The following SLC36A1 variants were observed in gnomAD, a reference collection of about 807,000 sequenced individuals.
The protein encoded by SLC36A1 is proton-coupled amino acid transporter 1.
Under a neutral mutation model 47.5 loss-of-function variants are expected in SLC36A1, and 30 were observed. The observed-to-expected ratio is 0.63, with a 90% CI of 0.47 to 0.86. The LOEUF is 0.86. SLC36A1 is among the 40% of genes least tolerant of loss of function. The pLI is 0.00. For synonymous variants in SLC36A1, 255 were observed against 249.7 expected, an observed-to-expected ratio of 1.02 and a Z score of -0.20; for missense variants, 517 against 606.0, an observed-to-expected ratio of 0.85 and a Z score of 1.54.
intron 5 of SLC36A1, among the ~76,000 whole-genome samples, chr5:151,466,078 T>C (rs1756327354): frequency 6.6e-6 from 1 of 152,212 alleles, no homozygotes; most frequent in African/African-American, 2.4e-5. Flanking sequence ...TTTGGCCAAA[T>C]TATTTTCTGT....
At chr5:151,458,328 A>ACATACACTTG (rs1476786861) in intron 1 of SLC36A1, among the ~76,000 whole-genome samples, 90 of 101,810 alleles carry the variant, frequency 8.8e-4, no homozygotes, top group African/African-American at 2.6e-3. Flanking sequence ...ATATATATAT[A>ACATACACTTG]TATATGGGAT....
the SLC36A1 span, among the ~76,000 whole-genome samples, chr5:151,499,687 CAT>C: frequency 3.3e-5 from 5 of 152,294 alleles, no homozygotes; most frequent in Middle Eastern, 3.4e-3. Context: ...GCCTGGAAAA[CAT>C]ATGTGTCCTT....
chr5:151,488,216 G>A lies in SLC36A1; in HGVS notation c.1393G>A (p.Ala465Thr). The part of the protein sequence containing the change: ...ALYELIQPSN[A>T]PIFINSTCAF... The stretch of plus-strand genomic sequence containing the variant: ...CTATGAGCTGATCCAGCCAAGCAAT[G>A]CTCCCATCTTCATCAATTCCACCTG... The change falls in exon 11 of 11, where the codon GCT becomes ACT. Residue 465 changes from alanine to threonine, a missense_variant. Physicochemically the swap from Ala to Thr is moderately conservative, Grantham distance 58. Transcript: ENST00000243389. 6.2e-7 allele frequency: 1 copy of A among 1,614,144 alleles called. No individual in the cohort carries two copies. Among genetic ancestry groups the A allele is most frequent in the Non-Finnish European group, 8.5e-7 (1 of 1,180,024 alleles).
chr5:151,380,604 T>C, the SLC36A1 span: 6 of 550,190 alleles, frequency 1.1e-5, no homozygotes, highest in South Asian at 8.3e-5. Context: ...CCCTGTCCAC[T>C]GAAGAACTTC....
At chr5:151,539,702 A>C in the SLC36A1 span, among the ~76,000 whole-genome samples, 1 of 152,226 alleles carries the variant, frequency 6.6e-6, no homozygotes, top group Non-Finnish European at 1.5e-5. Context: ...GTTAAAAACT[A>C]CTTACTGTGT....
chr5:151,540,956 C>A, the SLC36A1 span, among the ~76,000 whole-genome samples: 1 of 152,198 alleles, frequency 6.6e-6, no homozygotes, highest in Admixed American at 6.5e-5. Flanking sequence ...ACTTCAAATG[C>A]CTCCTGTTGA....
At chr5:151,449,596 C>A (rs577207688) in intron 1 of SLC36A1, among the ~76,000 whole-genome samples, 1 of 152,060 alleles carries the variant, frequency 6.6e-6, no homozygotes, top group Admixed American at 6.5e-5. Flanking sequence ...GTTCCAAAGG[C>A]GGTGTAAGAA....
At chr5:151,360,478 T>C in the SLC36A1 span, among the ~76,000 whole-genome samples, 3,551 of 152,034 alleles carry the variant, frequency 0.023, 128 homozygotes, top group African/African-American at 0.076. Flanking sequence ...TTGAGTAGGC[T>C]GAGGAGGAGG....
the SLC36A1 span, chr5:151,553,465 A>G: frequency 7.8e-7 from 1 of 1,279,548 alleles, no homozygotes; most frequent in Non-Finnish European, 1.1e-6. Flanking sequence ...CAGGAACCAG[A>G]GCGTCCTGTG....
chr5:151,480,892 G>C (rs1758700685), intron 10 of SLC36A1, among the ~76,000 whole-genome samples: 1 of 152,196 alleles, frequency 6.6e-6, no homozygotes, highest in South Asian at 2.1e-4. Flanking sequence ...TATCCAAAGT[G>C]CTCCCTCCGG....
At chr5:151,346,035 G>A in the SLC36A1 span, among the ~76,000 whole-genome samples, 1 of 152,264 alleles carries the variant, frequency 6.6e-6, no homozygotes, top group South Asian at 2.1e-4. Context: ...TCGTTGCCAC[G>A]CTTACTCAGC....
At chr5:151,462,761 A>C (rs1755723918) in intron 2 of SLC36A1, among the ~76,000 whole-genome samples, 1 of 150,936 alleles carries the variant, frequency 6.6e-6, no homozygotes, top group Non-Finnish European at 1.5e-5. Context: ...TCTTTCTGTT[A>C]CAGGGTTTGG....
At chr5:151,481,598 C>T (rs1038919348) in intron 10 of SLC36A1, among the ~76,000 whole-genome samples, 1 of 151,466 alleles carries the variant, frequency 6.6e-6, no homozygotes, top group Non-Finnish European at 1.5e-5. Context: ...TCCTCCTCCT[C>T]TTCACCCTCC....
the SLC36A1 span, among the ~76,000 whole-genome samples, chr5:151,533,580 C>CA: frequency 6.6e-6 from 1 of 152,136 alleles, no homozygotes; most frequent in South Asian, 2.1e-4. Flanking sequence ...CTGCTGGTGT[C>CA]AAACAGAGCA....
the SLC36A1 span, chr5:151,550,865 T>C: frequency 6.2e-7 from 1 of 1,612,780 alleles, no homozygotes; most frequent in Non-Finnish European, 8.5e-7. Context: ...ATCATGAAGA[T>C]GTGGACCTAG....
At chr5:151,380,127 GAAAGA>G in the SLC36A1 span, among the ~76,000 whole-genome samples, 307 of 152,162 alleles carry the variant, frequency 2.0e-3, 1 homozygote, top group Admixed American at 4.0e-3. Flanking sequence ...GACTATTCAA[GAAAGA>G]AAAGACAAGA....
At chr5:151,464,686 G>T in intron 4 of SLC36A1, 84 bp downstream of exon 4, 1 of 1,116,796 alleles carries the variant, frequency 9.0e-7, no homozygotes, top group African/African-American at 1.5e-5. Context: ...CACTGATGCA[G>T]ACCACTCTCA....
chr5:151,510,000 G>T, the SLC36A1 span: 1 of 1,613,186 alleles, frequency 6.2e-7, no homozygotes, highest in South Asian at 1.1e-5. Flanking sequence ...GCCCATGGCA[G>T]GTGGCCTCTC....
At chr5:151,479,820 AT>A (rs769118853) in intron 10 of SLC36A1, 11 of 528,262 alleles carry the variant, frequency 2.1e-5, no homozygotes, top group African/African-American at 5.7e-5. Context: ...CATTTAACCC[AT>A]ATCTGTAATG....
Sources: allele counts gnomAD v4.1 joint callset (sites outside exome capture counted in the v4.1 genomes callset), GRCh38; gene constraint gnomAD v4.1.1; transcripts MANE v1.5; gene names NCBI Gene and HGNC (gene_info 2026-07-23, HGNC 2026-07-21).